Variants in IPO11 observed in about 807,000 individuals in gnomAD.
The protein encoded by IPO11 is importin-11.
IPO11 carries 66 observed loss-of-function variants against 143.2 expected under a neutral mutation model. The observed-to-expected ratio is 0.46, with a 90% CI of 0.38 to 0.57. The LOEUF is 0.57. Ranked by LOEUF, IPO11 falls within the 20% of genes least tolerant of loss-of-function variation. The pLI, the probability that IPO11 is intolerant of heterozygous loss-of-function variation, is 0.00. For synonymous variants in IPO11, 385 were observed against 377.8 expected, an observed-to-expected ratio of 1.02 and a Z score of -0.22; for missense variants, 1,026 against 1,141.0, an observed-to-expected ratio of 0.90 and a Z score of 1.45.
intron 24 of IPO11, among the ~76,000 whole-genome samples, chr5:62,545,893 A>G (rs1235645747): frequency 6.6e-6 from 1 of 152,224 alleles, no homozygotes; most frequent in East Asian, 1.9e-4. Flanking sequence ...TAAAACCACA[A>G]TGAGATACCA....
intron 24 of IPO11, among the ~76,000 whole-genome samples, chr5:62,540,823 T>TA (rs1200816896): frequency 1.3e-5 from 2 of 152,238 alleles, no homozygotes; most frequent in Non-Finnish European, 2.9e-5. Flanking sequence ...TGGCTGTTTT[T>TA]ATGTAATATA....
At chr5:62,567,629 C>A (rs1743999274) in intron 27 of IPO11, among the ~76,000 whole-genome samples, 1 of 132,104 alleles carries the variant, frequency 7.6e-6, no homozygotes, top group East Asian at 2.3e-4. Context: ...TTGGAACGAT[C>A]TCGGCCCACT....
At chr5:62,499,261 G>A (rs1326046426) in intron 16 of IPO11, among the ~76,000 whole-genome samples, 2 of 152,164 alleles carry the variant, frequency 1.3e-5, no homozygotes, top group East Asian at 3.8e-4. Flanking sequence ...GCATGTTACT[G>A]TACTAAATAC....
chr5:62,550,197 A>G (rs928116969), intron 24 of IPO11, among the ~76,000 whole-genome samples, 170 bp from the exon 25 acceptor site: 1 of 152,170 alleles, frequency 6.6e-6, no homozygotes, highest in Non-Finnish European at 1.5e-5. Flanking sequence ...TTTAAAATGG[A>G]TTATCTTGTA....
intron 20 of IPO11, among the ~76,000 whole-genome samples, chr5:62,516,573 C>T (rs774130464): frequency 6.6e-6 from 1 of 152,150 alleles, no homozygotes; most frequent in Non-Finnish European, 1.5e-5. Context: ...GGATTACAGG[C>T]ATGAGCCACC....
intron 28 of IPO11, among the ~76,000 whole-genome samples, chr5:62,598,370 A>C (rs1745303477): frequency 1.3e-5 from 2 of 149,482 alleles, no homozygotes; most frequent in African/African-American, 4.9e-5. Context: ...AACGACCCAT[A>C]AATTGTTTGC....
At chr5:62,557,901 C>A (rs761570128) in intron 26 of IPO11, among the ~76,000 whole-genome samples, 10 of 152,202 alleles carry the variant, frequency 6.6e-5, no homozygotes, top group Non-Finnish European at 1.0e-4. Flanking sequence ...TGCCTTCTCT[C>A]CTCAGGCTTT....
chr5:62,559,748 C>T lies in IPO11; in HGVS notation c.2461-1388C>T, dbSNP rs1263473414. ...CCTGGCCAATATGGTGAAACCCTGT[C>T]TCTACTAAAAATACAAAATTAGCCA... On this transcript the variant is annotated intron_variant, in intron 26 of 29. Coordinates refer to ENST00000325324, the MANE Select transcript of IPO11 (RefSeq NM_016338.5). Among the ~76,000 whole-genome samples the T allele has an allele frequency of 2.6e-5, 4 of 151,702 alleles. No individual in the cohort carries two copies. In the East Asian group the frequency reaches 5.8e-4, roughly 22 times the overall value.
At position 62,437,418 on chromosome 5, in the gene IPO11, G is replaced by T; in HGVS notation, c.138+1G>T. 1 of 1,596,756 alleles carries T rather than the reference G, an allele frequency of 6.3e-7. No individual in the cohort carries two copies. The highest frequency in any genetic ancestry group is 8.5e-7 in the Non-Finnish European group (1 of 1,173,982). ...GCCAGGTTTCTATTCAGTGTTGCTG[G>T]TAAGTTGTTCTAAAATTGTTTGCTT... On this transcript the variant is annotated splice_donor_variant, in intron 2 of 29. Coordinates refer to ENST00000325324, the MANE Select transcript of IPO11 (RefSeq NM_016338.5). LOFTEE classifies it high-confidence loss of function.
In IPO11 at chr5:62,551,254, G is replaced by T. The variant is rs1423991767; in HGVS notation, c.2378G>T (p.Gly793Val). ...CCTGTAGTGATGTCCACGTATCTTGGAGTTATGGGTCGAGTTCTACTACAA... is the reference window on the plus strand; with the variant it reads ...CCTGTAGTGATGTCCACGTATCTTGTAGTTATGGGTCGAGTTCTACTACAA... ...RYPVVMSTYLGVMGRVLLQNT... is the reference protein window; with the variant it reads ...RYPVVMSTYLVVMGRVLLQNT... Residue 793 changes from glycine (G) to valine (V), a missense_variant, in exon 26 of 30, where the codon GGA becomes GTA. Gly to Val is a moderately radical substitution (Grantham distance 109). Coordinates refer to ENST00000325324, the MANE Select transcript of IPO11 (RefSeq NM_016338.5). The T allele has an allele frequency of 3.1e-6, 5 of 1,608,928 alleles. No homozygotes were observed. The highest frequency in any genetic ancestry group is 4.2e-6 in the Non-Finnish European group (5 of 1,176,534).
intron 19 of IPO11, among the ~76,000 whole-genome samples, chr5:62,506,881 A>G (rs556412939): frequency 3.3e-5 from 5 of 152,176 alleles, no homozygotes; most frequent in Non-Finnish European, 7.4e-5. Context: ...GTGACTTCCT[A>G]TATTCTAGTT....
intron 26 of IPO11, among the ~76,000 whole-genome samples, chr5:62,557,842 T>C (rs896076484): frequency 1.3e-5 from 2 of 152,358 alleles, no homozygotes; most frequent in East Asian, 1.9e-4. Context: ...TTTGCTGCAC[T>C]GTCCGTACCC....
intron 1 of IPO11, among the ~76,000 whole-genome samples, chr5:62,436,235 T>C (rs1744227890): frequency 6.6e-6 from 1 of 152,226 alleles, no homozygotes; most frequent in Non-Finnish European, 1.5e-5. Flanking sequence ...ATTTGGAATC[T>C]TGCCATTTCA....
intron 29 of IPO11, among the ~76,000 whole-genome samples, chr5:62,611,085 C>A (rs1461263673): frequency 6.6e-6 from 1 of 152,132 alleles, no homozygotes; most frequent in Non-Finnish European, 1.5e-5. Context: ...ATACAAAAAG[C>A]CATTGTAGGA....
chr5:62,508,836 A>G (rs1328361327), intron 19 of IPO11, among the ~76,000 whole-genome samples: 5 of 151,948 alleles, frequency 3.3e-5, no homozygotes, highest in Non-Finnish European at 7.4e-5. Context: ...ACTCCCACCT[A>G]TGAGTGAGAA....
Position 62,580,711 on chromosome 5 carries a change from C to G in IPO11, c.2583-10866C>G, listed in dbSNP as rs1474591579. ...TGTTGTAAAATCTCCTCATATTCAT[C>G]ACAAGACTACTGCGCTAATGATGGC... On this transcript the variant is annotated intron_variant, in intron 27 of 29. Coordinates refer to ENST00000325324, the MANE Select transcript of IPO11 (RefSeq NM_016338.5). 1.9e-6 allele frequency: 3 copies of G among 1,551,436 alleles called. 1 individual carries two copies. The South Asian group carries it at 3.6e-5, about 18-fold the overall frequency.
chr5:62,549,927 C>T (rs1743336054), intron 24 of IPO11, among the ~76,000 whole-genome samples: 1 of 152,140 alleles, frequency 6.6e-6, no homozygotes, highest in African/African-American at 2.4e-5. Context: ...TATTGATTAA[C>T]TTAAATGTAG....
intron 1 of IPO11, among the ~76,000 whole-genome samples, chr5:62,416,715 C>CTTTTTTTTTTTTTTTTTT (rs11295932): frequency 6.9e-6 from 1 of 144,138 alleles, no homozygotes; most frequent in African/African-American, 2.6e-5. Context: ...CTCTTATTAT[C>CTTTTTTTTTTTTTTTTTT]TTTTTTTTTT....
chr5:62,577,664 G>T (rs150507213), intron 27 of IPO11, among the ~76,000 whole-genome samples: 31 of 152,144 alleles, frequency 2.0e-4, no homozygotes, highest in African/African-American at 7.2e-4. Flanking sequence ...TAATGGATAG[G>T]TGTAAGAATC....
Sources: gnomAD v4.1 joint callset for allele counts (sites outside exome capture counted in the v4.1 genomes callset) on GRCh38, gnomAD v4.1.1 for gene constraint, MANE v1.5 for transcripts, NCBI Gene and HGNC (gene_info 2026-07-23, HGNC 2026-07-21) for gene names.